Variants in CD2AP observed in about 807,000 individuals in gnomAD.
CD2AP encodes the protein CD2 associated protein, also known as CD2-associated protein.
CD2AP carries 46 observed loss-of-function variants against 85.1 expected under a neutral mutation model. That is an observed-to-expected ratio of 0.54 (90% CI 0.43 to 0.69). The LOEUF (loss-of-function observed/expected upper bound fraction) is 0.69, where lower values mean the gene tolerates loss of function less well. Ranked by LOEUF, CD2AP falls within the 30% of genes least tolerant of loss-of-function variation. The probability of loss-of-function intolerance (pLI) is 0.00; values close to 1 mark genes in which losing one functional copy is unlikely to be tolerated. For missense variants in CD2AP, 769 were observed against 729.5 expected (o/e 1.05, Z -0.62); for synonymous variants, 255 against 252.9 (o/e 1.01, Z -0.08).
At chr6:47,579,617 G>A in intron 9 of CD2AP, 128 bp downstream of exon 9, 2 of 658,948 alleles carry the variant, frequency 3.0e-6, no homozygotes, top group Non-Finnish European at 5.4e-6. Flanking sequence ...AGCTATTCAG[G>A]TAGGAGTTAT....
chr6:47,562,749 C>T, intron 5 of CD2AP: 1 of 856,588 alleles, frequency 1.2e-6, no homozygotes, highest in Non-Finnish European at 2.0e-6. Context: ...AAGCCTTAGA[C>T]AAGTGGCAAG....
chr6:47,544,429 G>A (rs549672451), intron 3 of CD2AP, among the ~76,000 whole-genome samples, 177 bp from the exon 4 acceptor site: 12 of 152,288 alleles, frequency 7.9e-5, no homozygotes, highest in African/African-American at 2.9e-4. Context: ...AATATTTGTA[G>A]TTTGGGGCTT....
At chr6:47,491,814 G>C (rs981346336) in intron 1 of CD2AP, among the ~76,000 whole-genome samples, 1 of 151,790 alleles carries the variant, frequency 6.6e-6, no homozygotes, top group African/African-American at 2.4e-5. Flanking sequence ...TTTAAATACT[G>C]ATTTTTTTTA....
intron 2 of CD2AP, among the ~76,000 whole-genome samples, chr6:47,507,598 A>G (rs1194206795): frequency 6.6e-6 from 1 of 151,908 alleles, no homozygotes; most frequent in African/African-American, 2.4e-5. Flanking sequence ...GGCTCCCACC[A>G]CCACGCCCAG....
chr6:47,489,177 T>G (rs1424111645), intron 1 of CD2AP: 1 of 150,250 alleles, frequency 6.7e-6, no homozygotes, highest in East Asian at 1.9e-4. Flanking sequence ...TTTTTTTTTT[T>G]TTTTTTTTTT....
chr6:47,541,089 A>G (rs79245671), intron 3 of CD2AP, among the ~76,000 whole-genome samples: 7 of 152,318 alleles, frequency 4.6e-5, no homozygotes, highest in Non-Finnish European at 8.8e-5. Context: ...ACTCTAGGTT[A>G]GTTAAAAAAT....
chr6:47,526,593 A>G (rs1250616887), intron 2 of CD2AP, among the ~76,000 whole-genome samples: 1 of 152,038 alleles, frequency 6.6e-6, no homozygotes, highest in Non-Finnish European at 1.5e-5. Context: ...ATCTTGAGCA[A>G]TGAATTCATA....
intron 7 of CD2AP, among the ~76,000 whole-genome samples, 193 bp downstream of exon 7, chr6:47,576,795 G>T (rs1353939919): frequency 6.6e-6 from 1 of 152,094 alleles, no homozygotes; most frequent in African/African-American, 2.4e-5. Flanking sequence ...TTGAATCTGT[G>T]CCTGGAACAT....
At chr6:47,557,670 G>A (rs939271507) in intron 5 of CD2AP, among the ~76,000 whole-genome samples, 7 of 152,118 alleles carry the variant, frequency 4.6e-5, no homozygotes, top group African/African-American at 1.7e-4. Flanking sequence ...CCTCTGTTCT[G>A]TTCCATTGGT....
intron 1 of CD2AP, among the ~76,000 whole-genome samples, chr6:47,494,459 A>G (rs554598153): frequency 1.3e-5 from 2 of 152,202 alleles, no homozygotes; most frequent in Admixed American, 1.3e-4. Flanking sequence ...TAGTGGATCG[A>G]TGTCCTGGAG....
intron 4 of CD2AP, among the ~76,000 whole-genome samples, chr6:47,552,241 C>A (rs772183451): frequency 2.6e-5 from 4 of 151,726 alleles, no homozygotes; most frequent in Non-Finnish European, 5.9e-5. Context: ...TTTGGTGCAC[C>A]CATCACCTGA....
intron 5 of CD2AP, among the ~76,000 whole-genome samples, chr6:47,566,938 C>T (rs998368656): frequency 1.3e-5 from 2 of 152,122 alleles, no homozygotes; most frequent in African/African-American, 4.8e-5. Flanking sequence ...CATATGCATG[C>T]ATGTGTCTTT....
intron 4 of CD2AP, 34 bp from the exon 5 acceptor site, chr6:47,554,612 G>A: frequency 3.7e-6 from 6 of 1,612,632 alleles, no homozygotes; most frequent in Non-Finnish European, 5.1e-6. Context: ...CTTAACAGAA[G>A]TTGTTTTTGC....
At chr6:47,587,376 A>G (rs1169940402) in intron 11 of CD2AP, among the ~76,000 whole-genome samples, 1 of 152,168 alleles carries the variant, frequency 6.6e-6, no homozygotes, top group African/African-American at 2.4e-5. Context: ...CTCTTAAGTG[A>G]TTCCCCGTTA....
At chr6:47,575,801 C>G (rs939749635) in intron 6 of CD2AP, among the ~76,000 whole-genome samples, 1 of 151,940 alleles carries the variant, frequency 6.6e-6, no homozygotes, top group Admixed American at 6.5e-5. Flanking sequence ...ATAAGATTAC[C>G]TGAATCATTT....
At chr6:47,559,252 G>T (rs982907991) in intron 5 of CD2AP, among the ~76,000 whole-genome samples, 5 of 148,114 alleles carry the variant, frequency 3.4e-5, no homozygotes, top group Middle Eastern at 3.2e-3. Flanking sequence ...TCTCTGTTTC[G>T]TGCAATTTTT....
At chr6:47,581,137 TAATAA>T (rs1264492303) in intron 10 of CD2AP, among the ~76,000 whole-genome samples, 1 of 152,186 alleles carries the variant, frequency 6.6e-6, no homozygotes, top group Non-Finnish European at 1.5e-5. Flanking sequence ...AATTTTGAGT[TAATAA>T]AATTAATCAA....
intron 2 of CD2AP, among the ~76,000 whole-genome samples, chr6:47,531,670 T>C (rs1766878987): frequency 1.3e-5 from 2 of 152,036 alleles, no homozygotes; most frequent in South Asian, 2.1e-4. Flanking sequence ...TCCACATTGA[T>C]TTTTAAAAAA....
At chr6:47,549,372 A>G (rs1767452490) in intron 4 of CD2AP, among the ~76,000 whole-genome samples, 1 of 151,420 alleles carries the variant, frequency 6.6e-6, no homozygotes. Flanking sequence ...GTACACAATT[A>G]ATGTACACAA....
Sources: gnomAD v4.1 joint callset for allele counts (sites outside exome capture counted in the v4.1 genomes callset) on GRCh38, gnomAD v4.1.1 for gene constraint, MANE v1.5 for transcripts, NCBI Gene and HGNC (gene_info 2026-07-23, HGNC 2026-07-21) for gene names.